KIFC3: variants seen among roughly 807,000 people sequenced by gnomAD.
KIFC3 encodes the protein kinesin-like protein KIFC3.
Under a neutral mutation model 101.8 loss-of-function variants are expected in KIFC3, and 60 were observed. The observed-to-expected ratio is 0.59, with a 90% CI of 0.48 to 0.73. KIFC3 has a LOEUF of 0.73. Among genes scored for constraint, KIFC3 ranks in the 30% least tolerant of loss-of-function variants. KIFC3 has a pLI of 0.00. For synonymous variants in KIFC3, 476 were observed against 482.7 expected (o/e 0.99, Z 0.18); for missense variants, 966 against 1,137.1 (o/e 0.85, Z 2.16).
chr16:57,794,821 G>A (rs1335461232), intron 3 of KIFC3, among the ~76,000 whole-genome samples, 178 bp downstream of exon 3: 1 of 152,138 alleles, frequency 6.6e-6, no homozygotes, highest in Non-Finnish European at 1.5e-5. Flanking sequence ...GAGATTTCCC[G>A]TCTGACTTAA....
intron 1 of KIFC3, among the ~76,000 whole-genome samples, chr16:57,823,761 TTGTGTGTGTGTGTGTGTG>T (rs542476459): frequency 2.0e-4 from 27 of 136,716 alleles, no homozygotes; most frequent in Middle Eastern, 7.2e-3. Context: ...CCCGGCTACT[TTGTGTGTGTGTGTGTGTG>T]TGTGTGTGTG....
At position 57,765,465 on chromosome 16, in the gene KIFC3, C is replaced by T. The variant is rs1555601836; in HGVS notation, c.1506G>A (p.Gln502=). The part of the protein sequence containing the change: ...LDKVFSPQAS[Q]QDVFQEVQAL... ...CGCATGGGGCCACACTCACGTCCTG[C>T]TGCGAGGCCTGTGGGGAGAAGACCT... Residue 502 remains glutamine, a synonymous_variant, in exon 11 of 20, where the codon CAG becomes CAA. Coordinates refer to ENST00000445690, the MANE Select transcript of KIFC3 (RefSeq NM_001130100.2). 3 of 1,578,102 alleles carry T rather than the reference C, an allele frequency of 1.9e-6. No homozygotes were observed. Among genetic ancestry groups the T allele is most frequent in the Non-Finnish European group, 2.6e-6 (3 of 1,160,220 alleles).
At chr16:57,813,899 G>T in intron 1 of KIFC3, 1 of 979,750 alleles carries the variant, frequency 1.0e-6, no homozygotes. Context: ...GAGGTGAAGG[G>T]ATCTACCCTG....
chr16:57,764,954 A>G, intron 11 of KIFC3, among the ~76,000 whole-genome samples: 1 of 148,296 alleles, frequency 6.7e-6, no homozygotes, highest in Non-Finnish European at 1.5e-5. Flanking sequence ...TGAGGGTGGG[A>G]TGGGCTGTGA....
chr16:57,817,942 A>G (rs1392253682), intron 1 of KIFC3, among the ~76,000 whole-genome samples: 1 of 151,694 alleles, frequency 6.6e-6, no homozygotes, highest in Non-Finnish European at 1.5e-5. Context: ...CATCATCACC[A>G]TCTCCTCACA....
At chr16:57,770,978 C>T (rs372313349) in intron 6 of KIFC3, among the ~76,000 whole-genome samples, 95 of 152,348 alleles carry the variant, frequency 6.2e-4, no homozygotes, top group Non-Finnish European at 1.1e-3. Flanking sequence ...CCAGGGGCTG[C>T]GCTGCATCTG....
Position 57,795,891 on chromosome 16 carries a change from T to TTTG in KIFC3, c.173-751_173-750insCAA, listed in dbSNP as rs1555622687. Among the ~76,000 whole-genome samples the TTTG allele has an allele frequency of 6.6e-3, 619 of 93,698 alleles. 16 individuals carry two copies. The highest frequency in any genetic ancestry group is 0.017 in the African/African-American group (562 of 33,408). The allele number at this position is 93,698 out of a possible 152,430, so 61.5% of individuals were successfully genotyped here. A position where few individuals can be genotyped will look rare whatever the true frequency, so the allele number is the denominator to read the frequency against. On this transcript the variant is annotated intron_variant, in intron 2 of 19. Transcript: ENST00000445690. The stretch of plus-strand genomic sequence containing the variant: ...GTTTTTTTGGGCTTTTTTGTTTTTT[T>TTTG]TTTTTTTTTTTTTTTTTTTTGAGAC...
intron 3 of KIFC3, among the ~76,000 whole-genome samples, chr16:57,780,814 A>C (rs2052644114): frequency 6.6e-6 from 1 of 150,688 alleles, no homozygotes; most frequent in South Asian, 2.1e-4. Context: ...AGCTGGACTT[A>C]CAGGTGTGCA....
In KIFC3 at chr16:57,769,484, TGCTGTCTGAGCGGCTTTGTCTGA is replaced by T; in HGVS notation, c.1218+88_1218+110del. 1.5e-6 allele frequency: 2 copies of T among 1,377,032 alleles called. No homozygotes were observed. Among genetic ancestry groups the T allele is most frequent in the Non-Finnish European group, 2.0e-6 (2 of 1,015,580 alleles). The allele number at this position is 1,377,032 out of a possible 1,614,324, so 85.3% of individuals were successfully genotyped here. On this transcript the variant is annotated intron_variant, in intron 9 of 19. Coordinates refer to ENST00000445690, the MANE Select transcript of KIFC3 (RefSeq NM_001130100.2). The surrounding 1 kb of genome is among the most constrained non-coding windows in gnomAD (Gnocchi z 4.3). ...GTGTCATGGGGGGTGGGGCAGGGGCTGCTGTCTGAGCGGCTTTGTCTGAGCTTTGGAGGGACGCCCTGAGTGGA... is the reference window on the plus strand; with the variant it reads ...GTGTCATGGGGGGTGGGGCAGGGGCTGCTTTGGAGGGACGCCCTGAGTGGA...
At chr16:57,809,938 G>A (rs560944384) in intron 1 of KIFC3, among the ~76,000 whole-genome samples, 29 of 152,248 alleles carry the variant, frequency 1.9e-4, no homozygotes, top group African/African-American at 5.3e-4. Flanking sequence ...TGCTCAGGCC[G>A]GGAGTGTTTC....
At chr16:57,802,659 C>T (rs562145210), upstream of KIFC3, 1 of 1,001,456 alleles carries the variant, frequency 1.0e-6, no homozygotes, top group South Asian at 2.1e-5. This position sits in a 1 kb window ranked among gnomAD's most constrained non-coding sequence, Gnocchi z 5.0. Flanking sequence ...CACTCCCACT[C>T]CCACTCCCAC....
At chr16:57,862,654 G>A in intron 1 of KIFC3, 7 of 444,860 alleles carry the variant, frequency 1.6e-5, no homozygotes, top group South Asian at 1.3e-4. Flanking sequence ...GATGTTGTCA[G>A]TCCTGCTTCT....
chr16:57,804,706 G>A (rs1166388299), upstream of KIFC3, among the ~76,000 whole-genome samples: 1 of 151,648 alleles, frequency 6.6e-6, no homozygotes, highest in Non-Finnish European at 1.5e-5. Flanking sequence ...CCTCCCACCT[G>A]AGCCTCCTGA....
rs781829078 is a variant in KIFC3, at chr16:57,769,735, C to T, written c.1088-10G>A. On this transcript the variant is annotated splice_polypyrimidine_tract_variant and intron_variant, in intron 8 of 19. Transcript: ENST00000445690. This position sits in a 1 kb window ranked among gnomAD's most constrained non-coding sequence, Gnocchi z 4.3. ...AAGTTGGTCCGGACGCCTATGGGGA[C>T]ACTCGGGCTGTGAGGCGGGAGGGGA... 6.2e-7 allele frequency: 1 copy of T among 1,612,932 alleles called. No individual in the cohort carries two copies. The highest frequency in any genetic ancestry group is 8.5e-7 in the Non-Finnish European group (1 of 1,179,784).
intron 6 of KIFC3, 71 bp from the exon 7 acceptor site, chr16:57,770,771 G>A: frequency 7.9e-7 from 1 of 1,264,994 alleles, no homozygotes; most frequent in Non-Finnish European, 1.0e-6. Flanking sequence ...CTGAGACGCA[G>A]CAGGCCAGGG....
intron 1 of KIFC3, among the ~76,000 whole-genome samples, chr16:57,851,735 T>C: frequency 6.6e-6 from 1 of 151,436 alleles, no homozygotes; most frequent in East Asian, 1.9e-4. Flanking sequence ...CCCGGCTAAT[T>C]TTTGTTGTTG....
At chr16:57,792,491 C>T (rs1029627516) in intron 3 of KIFC3, among the ~76,000 whole-genome samples, 2 of 152,202 alleles carry the variant, frequency 1.3e-5, no homozygotes, top group African/African-American at 2.4e-5. Context: ...TGCATGAACA[C>T]AGCACAGATA....
At chr16:57,839,729 A>G (rs2149309442) in intron 1 of KIFC3, among the ~76,000 whole-genome samples, 1 of 152,252 alleles carries the variant, frequency 6.6e-6, no homozygotes, top group African/African-American at 2.4e-5. Context: ...TAACATTATT[A>G]TTCATTTCTT....
At chr16:57,827,081 G>A (rs1386473557) in intron 1 of KIFC3, among the ~76,000 whole-genome samples, 1 of 152,224 alleles carries the variant, frequency 6.6e-6, no homozygotes, top group Non-Finnish European at 1.5e-5. Context: ...GGTGACAAGA[G>A]TCACTTCAGG....
Sources: allele counts gnomAD v4.1 joint callset (sites outside exome capture counted in the v4.1 genomes callset), GRCh38; gene constraint gnomAD v4.1.1; non-coding constraint Gnocchi (gnomAD v3.1); transcripts MANE v1.5; gene names NCBI Gene and HGNC (gene_info 2026-07-23, HGNC 2026-07-21).